Variants in SDK1 observed in about 807,000 individuals in gnomAD.
SDK1 encodes the protein protein sidekick-1.
In SDK1, 157 loss-of-function variants were observed where a neutral mutation model predicts 245.5. The observed-to-expected ratio is 0.64, with a 90% CI of 0.56 to 0.73. The LOEUF (loss-of-function observed/expected upper bound fraction) is 0.73, where lower values mean the gene tolerates loss of function less well. Ranked by LOEUF, SDK1 falls within the 30% of genes least tolerant of loss-of-function variation. SDK1 has a pLI of 0.00. For synonymous variants in SDK1, 1,647 were observed against 1,278.5 expected, an observed-to-expected ratio of 1.29 and a Z score of -6.15; for missense variants, 3,583 against 3,002.3, an observed-to-expected ratio of 1.19 and a Z score of -4.52.
chr7:4,057,008 G>C (rs1006042728), intron 19 of SDK1, among the ~76,000 whole-genome samples: 1 of 152,196 alleles, frequency 6.6e-6, no homozygotes, highest in African/African-American at 2.4e-5. Context: ...ACCCCCAGTG[G>C]TGGGGCTGCT....
At chr7:3,633,071 C>A (rs774339311) in intron 2 of SDK1, among the ~76,000 whole-genome samples, 4 of 151,980 alleles carry the variant, frequency 2.6e-5, no homozygotes, top group Admixed American at 6.6e-5. Flanking sequence ...TTACCTTAAC[C>A]CATATTTTTT....
intron 1 of SDK1, among the ~76,000 whole-genome samples, chr7:3,429,362 G>T (rs893237405): frequency 2.0e-5 from 3 of 152,142 alleles, no homozygotes; most frequent in African/African-American, 4.8e-5. Flanking sequence ...ACTTTTCTGA[G>T]ATTATAGAGC....
At chr7:3,975,906 GTA>G (rs1782900298) in intron 13 of SDK1, among the ~76,000 whole-genome samples, 1 of 148,612 alleles carries the variant, frequency 6.7e-6, no homozygotes, top group Non-Finnish European at 1.5e-5. Flanking sequence ...AAGCTGCCAC[GTA>G]GAGGGTCCTC....
At chr7:4,190,103 CAT>C (rs1430981967) in intron 35 of SDK1, among the ~76,000 whole-genome samples, 4 of 152,166 alleles carry the variant, frequency 2.6e-5, no homozygotes, top group Non-Finnish European at 5.9e-5. Flanking sequence ...AGTTTGAAAA[CAT>C]GTGTTTGTAG....
At chr7:4,255,913 A>C (rs1197788799) in intron 44 of SDK1, among the ~76,000 whole-genome samples, 1 of 128,532 alleles carries the variant, frequency 7.8e-6, no homozygotes, top group Non-Finnish European at 1.6e-5. Flanking sequence ...ATTTCCAAAT[A>C]CTTTTTTTTT....
intron 30 of SDK1, among the ~76,000 whole-genome samples, chr7:4,153,134 G>A (rs1157987365): frequency 6.6e-6 from 1 of 152,100 alleles, no homozygotes; most frequent in Non-Finnish European, 1.5e-5. Context: ...AGGTGCGGGG[G>A]TTCCAAACAG....
intron 4 of SDK1, among the ~76,000 whole-genome samples, chr7:3,739,229 T>G (rs1192572985): frequency 1.3e-5 from 2 of 152,238 alleles, no homozygotes; most frequent in Non-Finnish European, 2.9e-5. Context: ...ATTTTGTTCT[T>G]TGCCATTTAA....
chr7:3,770,797 G>A (rs1780386194), intron 4 of SDK1, among the ~76,000 whole-genome samples: 2 of 152,130 alleles, frequency 1.3e-5, no homozygotes, highest in South Asian at 4.2e-4. Flanking sequence ...CTCCTGTTCA[G>A]CTCAGGTAAG....
chr7:3,466,894 AG>A (rs1462096165), intron 1 of SDK1, among the ~76,000 whole-genome samples: 1 of 151,696 alleles, frequency 6.6e-6, no homozygotes, highest in African/African-American at 2.4e-5. Context: ...TGATTTTTAA[AG>A]CTGGAAATAT....
At chr7:3,849,057 A>T (rs1415406987) in intron 5 of SDK1, among the ~76,000 whole-genome samples, 1 of 152,148 alleles carries the variant, frequency 6.6e-6, no homozygotes, top group African/African-American at 2.4e-5. Flanking sequence ...CTGGCCTGGT[A>T]TTTAAGACTT....
intron 5 of SDK1, among the ~76,000 whole-genome samples, chr7:3,859,052 C>CG (rs949885647): frequency 4.6e-5 from 7 of 151,236 alleles, no homozygotes; most frequent in African/African-American, 1.7e-4. Context: ...TTAGTAGAGA[C>CG]GGGGTTTCAC....
At chr7:4,149,500 G>T (rs1486155828) in intron 30 of SDK1, 37 bp downstream of exon 30, 2 of 1,363,264 alleles carry the variant, frequency 1.5e-6, no homozygotes, top group East Asian at 2.9e-5. Flanking sequence ...CGGGGAACGG[G>T]GCCCTGGCCG....
chr7:3,936,315 C>T (rs1434127798), intron 5 of SDK1, among the ~76,000 whole-genome samples: 1 of 152,056 alleles, frequency 6.6e-6, no homozygotes, highest in East Asian at 1.9e-4. Flanking sequence ...GGCACGGTGG[C>T]TCACGCCTGT....
intron 1 of SDK1, among the ~76,000 whole-genome samples, chr7:3,319,667 G>A (rs1265024062): frequency 6.6e-6 from 1 of 152,026 alleles, no homozygotes; most frequent in African/African-American, 2.4e-5. Context: ...CTCTCCCAGG[G>A]TGTCTAGTGA....
chr7:3,630,733 T>C (rs574241789), intron 2 of SDK1, among the ~76,000 whole-genome samples: 2 of 152,150 alleles, frequency 1.3e-5, no homozygotes, highest in South Asian at 4.1e-4. Flanking sequence ...TACAAAACAA[T>C]GCTGAAAGAG....
intron 1 of SDK1, among the ~76,000 whole-genome samples, chr7:3,317,394 T>C (rs184178097): frequency 2.6e-5 from 4 of 152,184 alleles, no homozygotes; most frequent in African/African-American, 9.7e-5. Flanking sequence ...ATTTTTGTTT[T>C]CATCTATCTG....
At chr7:3,480,325 G>A (rs1781476222) in intron 1 of SDK1, among the ~76,000 whole-genome samples, 1 of 152,204 alleles carries the variant, frequency 6.6e-6, no homozygotes. Context: ...GAGCCGCGAG[G>A]CCATGAAGAA....
At chr7:3,431,671 T>G (rs1481596614) in intron 1 of SDK1, among the ~76,000 whole-genome samples, 1 of 152,148 alleles carries the variant, frequency 6.6e-6, no homozygotes, top group Non-Finnish European at 1.5e-5. Context: ...CATAGCCTGG[T>G]GGACTAAGGG....
chr7:3,415,991 A>T (rs1779356382), intron 1 of SDK1, among the ~76,000 whole-genome samples: 1 of 152,158 alleles, frequency 6.6e-6, no homozygotes, highest in Admixed American at 6.5e-5. Context: ...GCTTGCAATT[A>T]CCAGAGCAGT....
Sources: gnomAD v4.1 joint callset for allele counts (sites outside exome capture counted in the v4.1 genomes callset) on GRCh38, gnomAD v4.1.1 for gene constraint, MANE v1.5 for transcripts, NCBI Gene and HGNC (gene_info 2026-07-23, HGNC 2026-07-21) for gene names.